ILKAP: variants seen among roughly 807,000 people sequenced by gnomAD.
The protein encoded by ILKAP is integrin-linked kinase-associated serine/threonine phosphatase 2C.
A neutral mutation model predicts 49.1 loss-of-function variants in ILKAP; 11 were observed. The observed-to-expected ratio is 0.22, with a 90% confidence interval of 0.14 to 0.37. The LOEUF (loss-of-function observed/expected upper bound fraction) is 0.37, where lower values mean the gene tolerates loss of function less well. Ranked by LOEUF, ILKAP falls within the 10% of genes least tolerant of loss-of-function variation. The probability of loss-of-function intolerance (pLI) is 1.00; values close to 1 mark genes in which losing one functional copy is unlikely to be tolerated. For missense variants in ILKAP, 363 were observed against 510.8 expected (o/e 0.71, Z 2.79); for synonymous variants, 186 against 192.8 (o/e 0.96, Z 0.29).
chr2:238,174,979 G>A (rs1357199788), intron 9 of ILKAP, among the ~76,000 whole-genome samples: 1 of 152,166 alleles, frequency 6.6e-6, no homozygotes, highest in African/African-American at 2.4e-5. Context: ...CAATCACCAC[G>A]TCTGCAATGG....
chr2:238,190,072 T>C, intron 3 of ILKAP, 100 bp from the exon 4 acceptor site: 1 of 1,349,160 alleles, frequency 7.4e-7, no homozygotes, highest in Non-Finnish European at 1.0e-6. Context: ...GACAAGGTCA[T>C]TTGAAGCAAG....
chr2:238,195,332 A>T (rs1294069251), intron 1 of ILKAP, among the ~76,000 whole-genome samples: 1 of 152,142 alleles, frequency 6.6e-6, no homozygotes, highest in Admixed American at 6.5e-5. Flanking sequence ...TAAAAATCCT[A>T]TTTCGGTAAC....
intron 1 of ILKAP, among the ~76,000 whole-genome samples, chr2:238,201,188 T>C (rs1218052132): frequency 6.6e-6 from 1 of 152,258 alleles, no homozygotes; most frequent in African/African-American, 2.4e-5. Flanking sequence ...TATGTTTTTT[T>C]TTTTTAAATC....
chr2:238,182,251 GAA>G, intron 8 of ILKAP, 65 bp from the exon 9 acceptor site: 3 of 1,564,048 alleles, frequency 1.9e-6, no homozygotes, highest in Non-Finnish European at 1.7e-6. Flanking sequence ...GGTACCAGTT[GAA>G]AAAAACAGTT....
At chr2:238,186,808 TG>T (rs1434615175) in intron 5 of ILKAP, 1 of 152,172 alleles carries the variant, frequency 6.6e-6, no homozygotes, top group Non-Finnish European at 1.5e-5. Context: ...TAGGACATCC[TG>T]AGCCATGAGA....
At chr2:238,170,842 G>A (rs1288676615) in intron 11 of ILKAP, 101 bp downstream of exon 11, 2 of 1,437,724 alleles carry the variant, frequency 1.4e-6, no homozygotes, top group African/African-American at 2.8e-5. Flanking sequence ...AGGGCACAAG[G>A]GCTGTCCCAC....
At chr2:238,179,553 G>A (rs1393543096) in intron 9 of ILKAP, among the ~76,000 whole-genome samples, 1 of 152,168 alleles carries the variant, frequency 6.6e-6, no homozygotes, top group Non-Finnish European at 1.5e-5. Context: ...ACAGGAAACA[G>A]AATATTCACA....
chr2:238,176,604 A>ATT (rs1693470096), intron 9 of ILKAP, among the ~76,000 whole-genome samples: 1 of 152,218 alleles, frequency 6.6e-6, no homozygotes, highest in African/African-American at 2.4e-5. Context: ...CTGTTGGACA[A>ATT]GCTGTTCAAC....
chr2:238,199,124 C>G (rs1432246206), intron 1 of ILKAP, among the ~76,000 whole-genome samples: 1 of 152,148 alleles, frequency 6.6e-6, no homozygotes. Flanking sequence ...TCAAGGCATG[C>G]TCCAGGCCAA....
intron 9 of ILKAP, among the ~76,000 whole-genome samples, chr2:238,181,623 T>C (rs1280681826): frequency 7.1e-6 from 1 of 141,082 alleles, no homozygotes; most frequent in African/African-American, 2.6e-5. Flanking sequence ...GTTTTTTTTT[T>C]GGTTTTTTTT....
chr2:238,170,756 A>G, intron 11 of ILKAP, 80 bp from the exon 12 acceptor site: 2 of 1,593,240 alleles, frequency 1.3e-6, no homozygotes, highest in South Asian at 2.2e-5. Flanking sequence ...GCCAGGAAGA[A>G]GAGCTGCTCT....
chr2:238,177,892 C>T (rs1319351004), intron 9 of ILKAP, among the ~76,000 whole-genome samples: 1 of 152,126 alleles, frequency 6.6e-6, no homozygotes, highest in Non-Finnish European at 1.5e-5. Flanking sequence ...GAGGAACTGC[C>T]ATACTGTTTT....
chr2:238,172,014 GGTTTTTTTGT>G (rs1157004416), intron 10 of ILKAP, among the ~76,000 whole-genome samples: 2 of 152,022 alleles, frequency 1.3e-5, no homozygotes, highest in African/African-American at 2.4e-5. Context: ...ATATCTGTGG[GGTTTTTTTGT>G]GTTTTTTTTT....
intron 11 of ILKAP, 75 bp downstream of exon 11, chr2:238,170,868 G>T: frequency 6.8e-7 from 1 of 1,466,448 alleles, no homozygotes; most frequent in Non-Finnish European, 9.6e-7. Context: ...GAGGAAATGG[G>T]GTCTCAGAAC....
rs374433529 is a variant in ILKAP, at chr2:238,185,298, G to C, written c.426-11C>G. On this transcript the variant is annotated splice_polypyrimidine_tract_variant and intron_variant, in intron 5 of 11. Coordinates refer to ENST00000254654, the MANE Select transcript of ILKAP (RefSeq NM_030768.3). ...TATGAAACCCGAGTACTGAAAGAAC[G>C]AATTGAGAGTTAATCAAATTCTCAC... 1 of 1,528,324 alleles carries C rather than the reference G, an allele frequency of 6.5e-7. No homozygotes were observed. The highest frequency in any genetic ancestry group is 9.1e-7 in the Non-Finnish European group (1 of 1,103,662). The allele number at this position is 1,528,324 out of a possible 1,614,324, so 94.7% of individuals were successfully genotyped here. A position where few individuals can be genotyped will look rare whatever the true frequency, so the allele number is the denominator to read the frequency against.
chr2:238,172,562 C>A (rs1175449713), intron 10 of ILKAP, among the ~76,000 whole-genome samples: 1 of 152,204 alleles, frequency 6.6e-6, no homozygotes, highest in Non-Finnish European at 1.5e-5. Flanking sequence ...CTTCAGAACA[C>A]CAGAGGCGGC....
At chr2:238,188,015 G>T in intron 5 of ILKAP, 116 bp downstream of exon 5, 1 of 1,172,534 alleles carries the variant, frequency 8.5e-7, no homozygotes, top group Non-Finnish European at 1.2e-6. Flanking sequence ...AATCACTGAT[G>T]TACAATCAAG....
At chr2:238,195,980 G>A (rs185584467) in intron 1 of ILKAP, among the ~76,000 whole-genome samples, 58 of 122,720 alleles carry the variant, frequency 4.7e-4, no homozygotes, top group African/African-American at 1.9e-3. Context: ...GGAGGCCAAG[G>A]CTTCAGTGAG....
chr2:238,191,863 C>T (rs1418721812), intron 3 of ILKAP, among the ~76,000 whole-genome samples: 2 of 150,148 alleles, frequency 1.3e-5, no homozygotes, highest in African/African-American at 2.5e-5. Flanking sequence ...TGAGATCTCG[C>T]CACTGCGCTC....
Sources: gnomAD v4.1 joint callset for allele counts (sites outside exome capture counted in the v4.1 genomes callset) on GRCh38, gnomAD v4.1.1 for gene constraint, MANE v1.5 for transcripts, NCBI Gene and HGNC (gene_info 2026-07-23, HGNC 2026-07-21) for gene names.